TAFA4: variants seen among roughly 807,000 people sequenced by gnomAD.
TAFA4 encodes TAFA chemokine like family member 4.
TAFA4 carries 20 observed loss-of-function variants against 21.1 expected under a neutral mutation model. The observed-to-expected ratio is 0.95, with a 90% CI of 0.67 to 1.38. The LOEUF is 1.38. Among genes scored for constraint, TAFA4 ranks in the 40% most tolerant of loss-of-function variants. The pLI, the probability that TAFA4 is intolerant of heterozygous loss-of-function variation, is 0.00. For missense variants in TAFA4, 211 were observed against 180.9 expected, an observed-to-expected ratio of 1.17 and a Z score of -0.95; for synonymous variants, 71 against 67.4, an observed-to-expected ratio of 1.05 and a Z score of -0.26.
chr3:68,778,601 T>C (rs546839007), intron 3 of TAFA4, among the ~76,000 whole-genome samples: 2 of 152,324 alleles, frequency 1.3e-5, no homozygotes, highest in Admixed American at 6.5e-5. Context: ...TTACAAGATC[T>C]GATGGTTTTA....
intron 1 of TAFA4, among the ~76,000 whole-genome samples, chr3:68,904,337 CA>C (rs2089876155): frequency 1.3e-5 from 2 of 152,158 alleles, no homozygotes; most frequent in Non-Finnish European, 2.9e-5. Flanking sequence ...CCGGGAGAGC[CA>C]TAGGCTAGCG....
At chr3:68,840,731 C>T (rs4299483) in intron 3 of TAFA4, among the ~76,000 whole-genome samples, 47,060 of 151,928 alleles carry the variant, frequency 0.31, 7,709 homozygotes, top group Non-Finnish European at 0.37. Flanking sequence ...AAGTACAGTT[C>T]CACAGCTGGT....
At chr3:68,890,259 T>C (rs776311470) in intron 1 of TAFA4, among the ~76,000 whole-genome samples, 29 of 152,230 alleles carry the variant, frequency 1.9e-4, no homozygotes, top group Middle Eastern at 3.4e-3. Flanking sequence ...AGGTAAGCAA[T>C]TGGTGAATCG....
intron 3 of TAFA4, among the ~76,000 whole-genome samples, chr3:68,848,475 G>A (rs1290465730): frequency 6.6e-6 from 1 of 152,158 alleles, no homozygotes; most frequent in African/African-American, 2.4e-5. Flanking sequence ...CCCCAGGAAG[G>A]AGGTATTCTT....
In TAFA4 at chr3:68,823,683, T is replaced by C. The variant is rs1416680048; in HGVS notation, c.130+57047A>G. On this transcript the variant is annotated intron_variant, in intron 3 of 5. Coordinates refer to ENST00000295569, the MANE Select transcript of TAFA4 (RefSeq NM_182522.5). ...GTTCTCATTGTTCAGCTCCCACTTA[T>C]AAAGTGAGGACATGCAGTGTTTGGT... Among the ~76,000 whole-genome samples, 5 of 152,178 alleles carry C rather than the reference T, an allele frequency of 3.3e-5. No individual in the cohort carries two copies. In the East Asian group the frequency reaches 9.6e-4, roughly 29 times the overall value.
At chr3:68,853,957 T>C (rs1054648563) in intron 3 of TAFA4, among the ~76,000 whole-genome samples, 1 of 152,172 alleles carries the variant, frequency 6.6e-6, no homozygotes, top group African/African-American at 2.4e-5. Flanking sequence ...GCACCTATTA[T>C]GTATGAAGCA....
At chr3:68,915,572 G>A (rs1262933906) in intron 1 of TAFA4, among the ~76,000 whole-genome samples, 1 of 152,144 alleles carries the variant, frequency 6.6e-6, no homozygotes, top group African/African-American at 2.4e-5. Flanking sequence ...AAATGGTGAT[G>A]GAAGATGAAT....
chr3:68,911,415 A>T (rs932423671), intron 1 of TAFA4, among the ~76,000 whole-genome samples: 2 of 152,230 alleles, frequency 1.3e-5, no homozygotes, highest in Non-Finnish European at 2.9e-5. Flanking sequence ...CTTATGTGTC[A>T]AGCACTGTGC....
chr3:68,736,993 TC>T (rs1702252879), intron 5 of TAFA4, among the ~76,000 whole-genome samples: 1 of 152,034 alleles, frequency 6.6e-6, no homozygotes, highest in African/African-American at 2.4e-5. Context: ...AAACTTACAT[TC>T]CCAGCACAGA....
intron 1 of TAFA4, among the ~76,000 whole-genome samples, chr3:68,931,279 C>A (rs2090154863): frequency 6.6e-6 from 1 of 152,090 alleles, no homozygotes; most frequent in South Asian, 2.1e-4. Flanking sequence ...AAAGGGGGGT[C>A]CCTGAATCTC....
chr3:68,777,061 G>A (rs1363422904), intron 3 of TAFA4, among the ~76,000 whole-genome samples: 1 of 152,000 alleles, frequency 6.6e-6, no homozygotes, highest in Non-Finnish European at 1.5e-5. Context: ...TTCAGGCAGA[G>A]CAGAAGGAAT....
At chr3:68,821,655 G>A (rs961130246) in intron 3 of TAFA4, among the ~76,000 whole-genome samples, 9 of 151,168 alleles carry the variant, frequency 6.0e-5, no homozygotes, top group South Asian at 2.1e-4. Flanking sequence ...TGAATGATAC[G>A]CTTTGTGAAT....
chr3:68,888,459 A>T (rs780207653), intron 1 of TAFA4, among the ~76,000 whole-genome samples: 1 of 152,098 alleles, frequency 6.6e-6, no homozygotes, highest in African/African-American at 2.4e-5. Context: ...ATTTACTTCA[A>T]AACTGTTCCA....
chr3:68,772,909 A>G (rs1489955857), intron 3 of TAFA4, among the ~76,000 whole-genome samples: 3 of 152,100 alleles, frequency 2.0e-5, no homozygotes, highest in South Asian at 2.1e-4. Flanking sequence ...TCTCTGGAGA[A>G]CTCTGAATAA....
At chr3:68,751,072 G>C (rs577412629) in intron 4 of TAFA4, among the ~76,000 whole-genome samples, 248 of 152,312 alleles carry the variant, frequency 1.6e-3, no homozygotes, top group African/African-American at 5.7e-3. Context: ...AGCAGACCAG[G>C]TGTGTCTCAT....
At chr3:68,893,215 C>A (rs1298795651) in intron 1 of TAFA4, among the ~76,000 whole-genome samples, 2 of 152,058 alleles carry the variant, frequency 1.3e-5, no homozygotes, top group South Asian at 2.1e-4. Context: ...CTACAAGTTG[C>A]CAAGTACTTG....
chr3:68,756,582 C>G (rs146078190), intron 3 of TAFA4, among the ~76,000 whole-genome samples: 211 of 152,254 alleles, frequency 1.4e-3, no homozygotes, highest in African/African-American at 4.6e-3. Flanking sequence ...CTGGACCATC[C>G]CTGTCATGCC....
chr3:68,754,638 T>C (rs575829492), intron 3 of TAFA4, among the ~76,000 whole-genome samples: 98 of 152,278 alleles, frequency 6.4e-4, no homozygotes, highest in Admixed American at 1.8e-3. Context: ...AGGTATTATT[T>C]TTCCCTTTAT....
intron 1 of TAFA4, among the ~76,000 whole-genome samples, chr3:68,888,296 A>G (rs971906009): frequency 1.3e-5 from 2 of 152,118 alleles, no homozygotes; most frequent in Non-Finnish European, 2.9e-5. Context: ...CTTCATCAGA[A>G]TGGCCCTTAC....
Sources: gnomAD v4.1 joint callset for allele counts (sites outside exome capture counted in the v4.1 genomes callset) on GRCh38, gnomAD v4.1.1 for gene constraint, MANE v1.5 for transcripts, NCBI Gene and HGNC (gene_info 2026-07-23, HGNC 2026-07-21) for gene names.